Variants in TCEAL1 observed in about 807,000 individuals in gnomAD.
TCEAL1 encodes transcription elongation factor A protein-like 1.
For synonymous variants in TCEAL1, 48 were observed against 46.0 expected (o/e 1.04, Z -0.17); for missense variants, 82 against 125.9 (o/e 0.65, Z 1.67).
At position 103,630,506 on chromosome X, in the gene TCEAL1, T is replaced by A; in HGVS notation, c.*110T>A. ...TTTCCCATATTCTGAATTTTAACTT[T>A]TTGTGAGGCTTTATTTTAGATGTTT... On this transcript the variant is annotated 3_prime_UTR_variant, in exon 3 of 3. Transcript: ENST00000372625. 1.1e-6 allele frequency: 1 copy of A among 879,013 alleles called. No homozygotes were observed. Among genetic ancestry groups the A allele is most frequent in the Non-Finnish European group, 1.5e-6 (1 of 650,258 alleles). The allele number at this position is 879,013 out of a possible 1,213,427, so 72.4% of individuals were successfully genotyped here.
chrX:103,629,322 G>A (rs2073708269), intron 1 of TCEAL1, among the ~76,000 whole-genome samples, 172 bp from the exon 2 acceptor site: 1 of 111,676 alleles, frequency 9.0e-6, no homozygotes, highest in Non-Finnish European at 1.9e-5. Context: ...TGGGGAGGTG[G>A]GAGCACGGAG....
chrX:103,629,926 C>A lies in TCEAL1; in HGVS notation c.10C>A (p.Pro4Thr). ...GAAGAAAATTCCCAACATGGACAAA[C>A]CACGCAAAGAAAATGAAGAAGAGCC... is the stretch of plus-strand genomic sequence containing the variant. MDK[P>T]RKENEEEPQS... Residue 4 changes from proline to threonine, a missense_variant, in exon 3 of 3, where the codon CCA (proline) becomes ACA (threonine). Transcript: ENST00000372625. The A allele has an allele frequency of 8.8e-7, 1 of 1,137,329 alleles. No homozygotes were observed. The highest frequency in any genetic ancestry group is 1.2e-6 in the Non-Finnish European group (1 of 859,856). The allele number at this position is 1,137,329 out of a possible 1,213,427, so 93.7% of individuals were successfully genotyped here. A position where few individuals can be genotyped will look rare whatever the true frequency, so the allele number is the denominator to read the frequency against.
chrX:103,629,874 T>C lies in TCEAL1; in HGVS notation c.-32-11T>C. Reference sequence around the variant, plus strand: ...TATTCTGACTCTATTCTGCCTTTCTTGTCTCCTAAGAATAACTGTGCTTGA... The same window carrying C: ...TATTCTGACTCTATTCTGCCTTTCTCGTCTCCTAAGAATAACTGTGCTTGA... On this transcript the variant is annotated splice_polypyrimidine_tract_variant and intron_variant, in intron 2 of 2. Coordinates refer to ENST00000372625, the MANE Select transcript of TCEAL1 (RefSeq NM_004780.3). 1 of 1,104,217 alleles carries C rather than the reference T, an allele frequency of 9.1e-7. No homozygotes were observed. Among genetic ancestry groups the C allele is most frequent in the Non-Finnish European group, 1.2e-6 (1 of 843,780 alleles). 91.0% of individuals were successfully genotyped at this position (1,104,217 alleles called of 1,213,427 possible). A position where few individuals can be genotyped will look rare whatever the true frequency, so the allele number is the denominator to read the frequency against.
chrX:103,630,548 A>G lies in TCEAL1; in HGVS notation c.*152A>G. 1 of 647,117 alleles carries G rather than the reference A, an allele frequency of 1.5e-6. No individual in the cohort carries two copies. The highest frequency in any genetic ancestry group is 3.7e-5 in the South Asian group (1 of 27,137). The allele number at this position is 647,117 out of a possible 1,213,427, so 53.3% of individuals were successfully genotyped here. A position where few individuals can be genotyped will look rare whatever the true frequency, so the allele number is the denominator to read the frequency against. ...TAGATGTTTAGCATGTAACTCGCTT[A>G]AAGTTGAGGTTTCCCCCTAAAATCT... is the stretch of plus-strand genomic sequence containing the variant. On this transcript the variant is annotated 3_prime_UTR_variant, in exon 3 of 3. Transcript: ENST00000372625.
intron 2 of TCEAL1, 127 bp downstream of exon 2, chrX:103,629,700 G>A (rs991358857): frequency 5.0e-6 from 2 of 401,359 alleles, no homozygotes; most frequent in Non-Finnish European, 8.3e-6. Context: ...AAAATGGTGG[G>A]CTTTCGGGAA....
chrX:103,630,170 T>C lies in TCEAL1; in HGVS notation c.254T>C (p.Met85Thr), dbSNP rs1289182825. The C allele has an allele frequency of 8.3e-7, 1 of 1,211,568 alleles. No homozygotes were observed. Residue 85 changes from methionine (M) to threonine (T), a missense_variant, in exon 3 of 3, where the codon ATG becomes ACG. Coordinates refer to ENST00000372625, the MANE Select transcript of TCEAL1 (RefSeq NM_004780.3). Reference protein sequence around the residue: ...RKDLFEGRPPMEQPPCGVGKH... With the variant: ...RKDLFEGRPPTEQPPCGVGKH... ...GACCTGTTTGAGGGGCGCCCTCCCA[T>C]GGAGCAGCCTCCTTGTGGAGTAGGA...
chrX:103,629,694 T>C, intron 2 of TCEAL1, 121 bp downstream of exon 2: 1 of 387,508 alleles, frequency 2.6e-6, no homozygotes, highest in Non-Finnish European at 4.3e-6. Flanking sequence ...GCTGGGAAAA[T>C]GGTGGGCTTT....
chrX:103,630,423 C>G lies in TCEAL1; in HGVS notation c.*27C>G. The G allele has an allele frequency of 8.8e-7, 1 of 1,140,087 alleles. No individual in the cohort carries two copies. Among genetic ancestry groups the G allele is most frequent in the Non-Finnish European group, 1.2e-6 (1 of 859,570 alleles). 94.0% of individuals were successfully genotyped at this position (1,140,087 alleles called of 1,213,427 possible). On this transcript the variant is annotated 3_prime_UTR_variant, in exon 3 of 3. Coordinates refer to ENST00000372625, the MANE Select transcript of TCEAL1 (RefSeq NM_004780.3). ...GTGTTCGGCCTTTAATTCTGTTTTG[C>G]CTGCTAATAGTATTGCCATTGCCAC...
rs971638061 is a variant in TCEAL1 at position 103,630,582 on chromosome X, C to G, written c.*186C>G. On this transcript the variant is annotated 3_prime_UTR_variant, in exon 3 of 3. Transcript: ENST00000372625. The stretch of plus-strand genomic sequence containing the variant: ...GTTTCCCCCTAAAATCTACAAGTTT[C>G]CCTCTTTCAGTCATGAGCCCTACAC... 4.6e-4 allele frequency: 220 copies of G among 479,129 alleles called. 1 individual carries two copies. In the East Asian group the frequency reaches 8.6e-3, roughly 19 times the overall value. The allele number at this position is 479,129 out of a possible 1,213,427, so 39.5% of individuals were successfully genotyped here.
rs773504200 is a variant in TCEAL1, at chrX:103,630,871, TCA to T, written c.*480_*481del. 15 of 123,318 alleles carry T rather than the reference TCA, an allele frequency of 1.2e-4. No individual in the cohort carries two copies. Among genetic ancestry groups the T allele is most frequent in the African/African-American group, 3.6e-4 (11 of 30,791 alleles). The allele number at this position is 123,318 out of a possible 1,213,427, so 10.2% of individuals were successfully genotyped here. On this transcript the variant is annotated 3_prime_UTR_variant, in exon 3 of 3. Transcript: ENST00000372625. ...GTTGCAAAAATATATAATGAAAAAA[TCA>T]CACAATTTTGAAGAAAACTGTCAAT... is the stretch of plus-strand genomic sequence containing the variant.
In TCEAL1 at chrX:103,630,412, A is replaced by C. The variant is rs754781799; in HGVS notation, c.*16A>C. 4.3e-6 allele frequency: 5 copies of C among 1,154,569 alleles called. No individual in the cohort carries two copies. The Admixed American group carries it at 1.1e-4, about 25-fold the overall frequency. ...TCCTATTTAATGTGTTCGGCCTTTA[A>C]TTCTGTTTTGCCTGCTAATAGTATT... On this transcript the variant is annotated 3_prime_UTR_variant, in exon 3 of 3. Coordinates refer to ENST00000372625, the MANE Select transcript of TCEAL1 (RefSeq NM_004780.3).
chrX:103,629,734 G>A (rs1433546070), intron 2 of TCEAL1, 151 bp from the exon 3 acceptor site: 3 of 460,898 alleles, frequency 6.5e-6, no homozygotes, highest in Non-Finnish European at 6.7e-6. Context: ...GGGAAGCGGC[G>A]GAGTCGGGAG....
At chrX:103,629,304 T>C (rs1278145891) in intron 1 of TCEAL1, among the ~76,000 whole-genome samples, 190 bp from the exon 2 acceptor site, 1 of 111,056 alleles carries the variant, frequency 9.0e-6, no homozygotes, top group African/African-American at 3.3e-5. Context: ...ATGGCAAGCT[T>C]TGCGGGGTGG....
intron 1 of TCEAL1, among the ~76,000 whole-genome samples, 161 bp downstream of exon 1, chrX:103,629,186 G>C (rs1476837338): frequency 8.9e-6 from 1 of 111,788 alleles, no homozygotes; most frequent in Non-Finnish European, 1.9e-5. Context: ...GGTGGTCTTT[G>C]GGGCGGGGTG....
chrX:103,629,661 G>T, intron 2 of TCEAL1, 88 bp downstream of exon 2: 1 of 355,471 alleles, frequency 2.8e-6, no homozygotes, highest in Non-Finnish European at 4.8e-6. Flanking sequence ...CTGTCACTGC[G>T]GGCGAGGCCT....
chrX:103,629,300 A>G (rs2073707938), intron 1 of TCEAL1, among the ~76,000 whole-genome samples, 194 bp from the exon 2 acceptor site: 1 of 111,049 alleles, frequency 9.0e-6, no homozygotes, highest in African/African-American at 3.3e-5. Context: ...AGAAATGGCA[A>G]GCTTTGCGGG....
rs1190996670 is a variant in TCEAL1, at chrX:103,630,941, A to T, written c.*545A>T. On this transcript the variant is annotated 3_prime_UTR_variant, in exon 3 of 3. Coordinates refer to ENST00000372625, the MANE Select transcript of TCEAL1 (RefSeq NM_004780.3). ...GTGGCACTTAATAAATACTTGTCAG[A>T]ACTTTAAAAAAAGTGAATCCTATGT... 1 of 123,887 alleles carries T rather than the reference A, an allele frequency of 8.1e-6. No individual in the cohort carries two copies. Among genetic ancestry groups the T allele is most frequent in the East Asian group, 2.8e-4 (1 of 3,618 alleles). 10.2% of individuals were successfully genotyped at this position (123,887 alleles called of 1,213,427 possible). A position where few individuals can be genotyped will look rare whatever the true frequency, so the allele number is the denominator to read the frequency against.
upstream of TCEAL1, chrX:103,628,783 T>C (rs950011627): frequency 1.8e-5 from 2 of 109,505 alleles, no homozygotes; most frequent in African/African-American, 6.7e-5. Flanking sequence ...AAAAGGCAAA[T>C]ACAAAGAGAG....
chrX:103,629,295 T>C (rs2073707870), intron 1 of TCEAL1, among the ~76,000 whole-genome samples, 199 bp from the exon 2 acceptor site: 1 of 110,803 alleles, frequency 9.0e-6, no homozygotes, highest in East Asian at 2.9e-4. Context: ...TGAAAAGAAA[T>C]GGCAAGCTTT....
Sources: allele counts gnomAD v4.1 joint callset (sites outside exome capture counted in the v4.1 genomes callset), GRCh38; gene constraint gnomAD v4.1.1; transcripts MANE v1.5; gene names NCBI Gene and HGNC (gene_info 2026-07-23, HGNC 2026-07-21).